Variants in DHX32 observed in about 807,000 individuals in gnomAD.
DHX32 encodes putative pre-mRNA-splicing factor ATP-dependent RNA helicase DHX32.
A neutral mutation model predicts 70.0 loss-of-function variants in DHX32; 51 were observed. That is an observed-to-expected ratio of 0.73 (90% CI 0.58 to 0.92). The LOEUF is 0.92. Among genes scored for constraint, DHX32 ranks in the 40% least tolerant of loss-of-function variants. DHX32 has a pLI of 0.00. For synonymous variants in DHX32, 310 were observed against 315.3 expected, an observed-to-expected ratio of 0.98 and a Z score of 0.18; for missense variants, 762 against 891.8, an observed-to-expected ratio of 0.85 and a Z score of 1.85.
At chr10:125,853,199 G>C (rs756450826) in intron 4 of DHX32, 1 of 1,612,706 alleles carries the variant, frequency 6.2e-7, no homozygotes, top group East Asian at 2.2e-5. Flanking sequence ...AACTCTAAGT[G>C]ATTTCCAGGG....
At chr10:125,896,140 G>T (rs755868085) in intron 1 of DHX32, 384 of 145,726 alleles carry the variant, frequency 2.6e-3, no homozygotes, top group South Asian at 3.9e-3. Flanking sequence ...GGTGCGCCGG[G>T]GCCGCCCACC....
At chr10:125,895,884 ACGACGGCGG>A (rs1944487006) in intron 1 of DHX32, among the ~76,000 whole-genome samples, 1 of 152,282 alleles carries the variant, frequency 6.6e-6, no homozygotes, top group Non-Finnish European at 1.5e-5. Context: ...GACGACAGCG[ACGACGGCGG>A]CGGCTCGCAT....
At chr10:125,841,129 T>C in intron 7 of DHX32, 133 bp from the exon 8 acceptor site, 1 of 1,367,318 alleles carries the variant, frequency 7.3e-7, no homozygotes, top group East Asian at 2.5e-5. Context: ...TATGTTATTC[T>C]TGTTTACTTA....
chr10:125,856,553 A>C (rs1944149042), intron 3 of DHX32, among the ~76,000 whole-genome samples: 1 of 152,364 alleles, frequency 6.6e-6, no homozygotes, highest in South Asian at 2.1e-4. Context: ...GTGCTAGGCA[A>C]GTGGCTGGAG....
At chr10:125,874,437 A>G (rs1944272552) in intron 1 of DHX32, among the ~76,000 whole-genome samples, 1 of 152,236 alleles carries the variant, frequency 6.6e-6, no homozygotes, top group Non-Finnish European at 1.5e-5. Context: ...GAAATTAAAA[A>G]TGACAAGAGA....
chr10:125,862,711 T>C (rs561202020), intron 2 of DHX32, among the ~76,000 whole-genome samples: 1 of 152,226 alleles, frequency 6.6e-6, no homozygotes, highest in East Asian at 1.9e-4. Context: ...AAACTTACTA[T>C]ACAAACCCAC....
rs1241105691 is a variant in DHX32 at position 125,842,068 on chromosome 10, C to T, written c.1352-134G>A. ...TGTGAAACAACGGTTTGCAAGCCAC[C>T]AAATACCAGGGAGTGAAGGATAGTG... On this transcript the variant is annotated intron_variant, in intron 6 of 10. Transcript: ENST00000284690. The T allele has an allele frequency of 6.0e-6, 7 of 1,157,822 alleles. No homozygotes were observed. The African/African-American group carries it at 9.6e-5, about 16-fold the overall frequency. 71.7% of individuals were successfully genotyped at this position (1,157,822 alleles called of 1,614,324 possible).
upstream of DHX32, among the ~76,000 whole-genome samples, chr10:125,883,420 T>C (rs960355573): frequency 4.6e-5 from 7 of 152,188 alleles, no homozygotes; most frequent in African/African-American, 1.7e-4. Context: ...ATTCCCATGC[T>C]TGAAACACTC....
intron 3 of DHX32, among the ~76,000 whole-genome samples, chr10:125,859,294 A>G (rs75172844): frequency 0.018 from 2,681 of 152,244 alleles, 82 homozygotes; most frequent in African/African-American, 0.061. Context: ...ACCAAGAGAC[A>G]ATTCACAGCA....
In DHX32 at chr10:125,868,483, C is replaced by T. The variant is rs541620985; in HGVS notation, c.283-1300G>A. ...CATAACTCACCAGAAATACAAGTAA[C>T]TCCAAAATGAATGACTGCTGTAGAC... On this transcript the variant is annotated intron_variant, in intron 1 of 10. Transcript: ENST00000284690. Among the ~76,000 whole-genome samples the T allele has an allele frequency of 3.9e-5, 6 of 152,312 alleles. No homozygotes were observed. In the East Asian group the frequency reaches 1.2e-3, roughly 29 times the overall value.
At chr10:125,860,085 T>C in intron 2 of DHX32, 110 bp from the exon 3 acceptor site, 4 of 1,064,214 alleles carry the variant, frequency 3.8e-6, no homozygotes, top group Non-Finnish European at 5.2e-6. Flanking sequence ...TCAGTAACTC[T>C]AAATTTTTAC....
At chr10:125,884,946 T>C (rs1944334509), upstream of DHX32, among the ~76,000 whole-genome samples, 2 of 152,064 alleles carry the variant, frequency 1.3e-5, no homozygotes, top group Admixed American at 6.6e-5. Context: ...GCCTAAGTGG[T>C]CTCATCTCAT....
At chr10:125,878,382 A>C (rs1482858419) in intron 1 of DHX32, among the ~76,000 whole-genome samples, 1 of 152,292 alleles carries the variant, frequency 6.6e-6, no homozygotes, top group South Asian at 2.1e-4. Flanking sequence ...AACAAACTTC[A>C]CCTTCATTTA....
At chr10:125,853,732 C>G (rs1264037651) in intron 4 of DHX32, 1 of 487,470 alleles carries the variant, frequency 2.1e-6, no homozygotes. Context: ...AAACTTTCTC[C>G]TTTGGCAGCT....
intron 1 of DHX32, among the ~76,000 whole-genome samples, chr10:125,894,888 A>G (rs1258909185): frequency 2.0e-5 from 3 of 152,278 alleles, no homozygotes; most frequent in African/African-American, 7.2e-5. Flanking sequence ...GAACCACTGG[A>G]TACAGGAGTA....
chr10:125,845,910 G>A (rs181391565), intron 6 of DHX32, among the ~76,000 whole-genome samples: 319 of 152,304 alleles, frequency 2.1e-3, no homozygotes, highest in Non-Finnish European at 4.0e-3. Flanking sequence ...CCGTGACATG[G>A]AAGGAAACAC....
intron 6 of DHX32, chr10:125,842,769 T>C (rs1854916936): frequency 1.1e-6 from 1 of 935,206 alleles, no homozygotes; most frequent in South Asian, 5.0e-5. Flanking sequence ...AAAGATGTTA[T>C]TTCCCAGTGC....
chr10:125,876,404 T>C (rs777714629), intron 1 of DHX32, among the ~76,000 whole-genome samples: 1 of 152,242 alleles, frequency 6.6e-6, no homozygotes, highest in Non-Finnish European at 1.5e-5. Context: ...TGGTTACAAA[T>C]GTATAATGAG....
chr10:125,850,154 AT>A (rs1156610050), intron 6 of DHX32, among the ~76,000 whole-genome samples: 2 of 130,796 alleles, frequency 1.5e-5, no homozygotes, highest in Non-Finnish European at 3.3e-5. Context: ...AAAAAAAAAA[AT>A]TTGTAGAGAT....
Sources: gnomAD v4.1 joint callset for allele counts (sites outside exome capture counted in the v4.1 genomes callset) on GRCh38, gnomAD v4.1.1 for gene constraint, MANE v1.5 for transcripts, NCBI Gene and HGNC (gene_info 2026-07-23, HGNC 2026-07-21) for gene names.